NBAS: variants seen among roughly 807,000 people sequenced by gnomAD.
NBAS encodes NAG/BC035112 fusion.
In NBAS, 219 loss-of-function variants were observed where a neutral mutation model predicts 302.5. That is an observed-to-expected ratio of 0.72 (90% confidence interval 0.65 to 0.81). The LOEUF (loss-of-function observed/expected upper bound fraction) is 0.81. Ranked by LOEUF, NBAS falls within the 30% of genes least tolerant of loss-of-function variation. NBAS has a pLI of 0.00. For synonymous variants in NBAS, 1,118 were observed against 1,021.6 expected, an observed-to-expected ratio of 1.09 and a Z score of -1.80; for missense variants, 2,932 against 2,841.6, an observed-to-expected ratio of 1.03 and a Z score of -0.72.
the NBAS span, among the ~76,000 whole-genome samples, chr2:15,012,166 A>G: frequency 6.6e-6 from 1 of 152,200 alleles, no homozygotes; most frequent in East Asian, 1.9e-4. Flanking sequence ...TAGATAATTG[A>G]GTGAAATAAG....
chr2:15,452,737 A>G (rs1253628302), intron 21 of NBAS, among the ~76,000 whole-genome samples: 1 of 152,208 alleles, frequency 6.6e-6, no homozygotes, highest in Non-Finnish European at 1.5e-5. Flanking sequence ...GAACACAACT[A>G]GAATTATCTC....
intron 48 of NBAS, among the ~76,000 whole-genome samples, chr2:15,208,609 C>T (rs12105226): frequency 0.19 from 28,351 of 151,970 alleles, 3,319 homozygotes; most frequent in East Asian, 0.46. Flanking sequence ...TACTTCTTTT[C>T]CTCAGCACAT....
chr2:15,189,442 G>A (rs1443915101), intron 49 of NBAS, among the ~76,000 whole-genome samples: 1 of 152,160 alleles, frequency 6.6e-6, no homozygotes, highest in East Asian at 1.9e-4. Flanking sequence ...TCACTGGCCT[G>A]TGGGGGCAGT....
chr2:14,989,293 A>G, the NBAS span, among the ~76,000 whole-genome samples: 8,978 of 148,052 alleles, frequency 0.061, 374 homozygotes, highest in Non-Finnish European at 0.095. Flanking sequence ...ATGTATGTGT[A>G]TGTGTGTGTG....
chr2:14,783,470 C>CT, the NBAS span, among the ~76,000 whole-genome samples: 4 of 118,414 alleles, frequency 3.4e-5, no homozygotes, highest in African/African-American at 9.1e-5. Flanking sequence ...TCCCTCCCCC[C>CT]TCCCCCCACC....
chr2:15,057,461 G>C, the NBAS span, among the ~76,000 whole-genome samples: 1 of 152,032 alleles, frequency 6.6e-6, no homozygotes, highest in Admixed American at 6.5e-5. Context: ...AAGTTATTGG[G>C]GAACAGGTGG....
At chr2:15,406,511 C>T (rs1237271830) in intron 25 of NBAS, among the ~76,000 whole-genome samples, 2 of 152,074 alleles carry the variant, frequency 1.3e-5, no homozygotes, top group African/African-American at 4.8e-5. Flanking sequence ...AAAAGGCTTT[C>T]CAACTATTAC....
chr2:15,557,525 G>GCTA (rs1384514014), intron 2 of NBAS, among the ~76,000 whole-genome samples: 1 of 152,072 alleles, frequency 6.6e-6, no homozygotes, highest in African/African-American at 2.4e-5. Context: ...AACTGAATAT[G>GCTA]CTAGTGCTTC....
the NBAS span, among the ~76,000 whole-genome samples, chr2:15,125,061 C>A: frequency 6.6e-6 from 1 of 152,166 alleles, no homozygotes; most frequent in Non-Finnish European, 1.5e-5. Flanking sequence ...TCAACCTCAG[C>A]ATGGAAAAGC....
chr2:15,055,186 T>G, the NBAS span, among the ~76,000 whole-genome samples: 1 of 152,036 alleles, frequency 6.6e-6, no homozygotes. Context: ...AGCATCAATA[T>G]TTTAGGGATG....
At chr2:14,926,632 C>A in the NBAS span, among the ~76,000 whole-genome samples, 3 of 152,146 alleles carry the variant, frequency 2.0e-5, no homozygotes, top group Non-Finnish European at 4.4e-5. Context: ...GTGTACAATT[C>A]ACTTAAAAGT....
chr2:14,826,964 C>T, the NBAS span, among the ~76,000 whole-genome samples: 1 of 152,204 alleles, frequency 6.6e-6, no homozygotes, highest in African/African-American at 2.4e-5. Flanking sequence ...AACAAGCCTG[C>T]AACACAATCC....
intron 48 of NBAS, among the ~76,000 whole-genome samples, chr2:15,212,981 C>T (rs1037972530): frequency 1.4e-4 from 21 of 152,150 alleles, no homozygotes; most frequent in African/African-American, 4.8e-4. Flanking sequence ...GTTGATAGAT[C>T]TATGTTCTCC....
At chr2:15,314,781 T>C (rs969265190) in intron 38 of NBAS, among the ~76,000 whole-genome samples, 4 of 152,190 alleles carry the variant, frequency 2.6e-5, no homozygotes, top group Admixed American at 6.5e-5. Context: ...AGACCCCAGG[T>C]ATCCTTTAAT....
chr2:15,514,545 A>C (rs2160693), intron 9 of NBAS, among the ~76,000 whole-genome samples: 1 of 151,770 alleles, frequency 6.6e-6, no homozygotes, highest in South Asian at 2.1e-4. Context: ...ATAAACTATA[A>C]CAATATCACT....
chr2:15,394,778 AATC>A, intron 27 of NBAS, among the ~76,000 whole-genome samples: 1 of 152,114 alleles, frequency 6.6e-6, no homozygotes, highest in Non-Finnish European at 1.5e-5. Flanking sequence ...GACGACTGGA[AATC>A]ATCAGGCTCA....
the NBAS span, among the ~76,000 whole-genome samples, chr2:15,018,266 T>G: frequency 6.6e-6 from 1 of 152,032 alleles, no homozygotes; most frequent in Non-Finnish European, 1.5e-5. Flanking sequence ...ATATATTATA[T>G]AGTTTTAAAT....
the NBAS span, among the ~76,000 whole-genome samples, chr2:14,895,605 A>G: frequency 0.013 from 1,922 of 152,128 alleles, 34 homozygotes; most frequent in East Asian, 0.081. Flanking sequence ...CGGGTGTGGT[A>G]GCGGGCGCCT....
At chr2:14,939,589 A>G in the NBAS span, among the ~76,000 whole-genome samples, 3 of 152,188 alleles carry the variant, frequency 2.0e-5, no homozygotes, top group Non-Finnish European at 4.4e-5. Flanking sequence ...TAATAAAGGG[A>G]GTCAGCCCTT....
Sources: gnomAD v4.1 joint callset for allele counts (sites outside exome capture counted in the v4.1 genomes callset) on GRCh38, gnomAD v4.1.1 for gene constraint, MANE v1.5 for transcripts, NCBI Gene and HGNC (gene_info 2026-07-23, HGNC 2026-07-21) for gene names.